The following PRMT8 variants were observed in gnomAD, a reference collection of about 807,000 sequenced individuals.
The protein encoded by PRMT8 is protein arginine methyltransferase 8.
In PRMT8, 7 loss-of-function variants were observed where a neutral mutation model predicts 47.1. The ratio of observed to expected loss-of-function variants is 0.15; its 90% CI spans 0.08 to 0.28. The LOEUF is 0.28. Ranked by LOEUF, PRMT8 falls within the 10% of genes least tolerant of loss-of-function variation. PRMT8 has a pLI of 1.00. For synonymous variants in PRMT8, 188 were observed against 186.5 expected (o/e 1.01, Z -0.07); for missense variants, 237 against 505.4 (o/e 0.47, Z 5.09).
At chr12:3,431,118 G>A (rs1864671510) in intron 1 of PRMT8, among the ~76,000 whole-genome samples, 1 of 152,184 alleles carries the variant, frequency 6.6e-6, no homozygotes, top group African/African-American at 2.4e-5. Context: ...TTTAGATTTG[G>A]TTTTGAAGGC....
At chr12:3,575,718 A>G (rs1398887841) in intron 6 of PRMT8, among the ~76,000 whole-genome samples, 1 of 152,204 alleles carries the variant, frequency 6.6e-6, no homozygotes, top group Non-Finnish European at 1.5e-5. Flanking sequence ...TGACTGATCA[A>G]TCAATGACTG....
chr12:3,463,892 G>A (rs1034105764), intron 1 of PRMT8, among the ~76,000 whole-genome samples: 1 of 152,210 alleles, frequency 6.6e-6, no homozygotes, highest in Non-Finnish European at 1.5e-5. Flanking sequence ...CTCACCTACA[G>A]CATTTGTAAG....
At chr12:3,540,506 A>G in intron 1 of PRMT8, 100 bp from the exon 2 acceptor site, 1 of 794,124 alleles carries the variant, frequency 1.3e-6, no homozygotes, top group Non-Finnish European at 2.1e-6. Flanking sequence ...TGGCTGCTTG[A>G]GGCCGGGCTC....
chr12:3,425,164 G>A (rs1864589868), intron 1 of PRMT8, among the ~76,000 whole-genome samples: 1 of 152,176 alleles, frequency 6.6e-6, no homozygotes, highest in Non-Finnish European at 1.5e-5. Flanking sequence ...AAACTTCGAT[G>A]GTTATGTGGG....
At chr12:3,403,414 A>G (rs1166883917) in intron 1 of PRMT8, among the ~76,000 whole-genome samples, 1 of 151,960 alleles carries the variant, frequency 6.6e-6, no homozygotes, top group Non-Finnish European at 1.5e-5. Context: ...CCACCAGGGC[A>G]CACGTTTAAC....
chr12:3,519,474 G>A (rs1865847865), intron 1 of PRMT8, among the ~76,000 whole-genome samples: 1 of 152,172 alleles, frequency 6.6e-6, no homozygotes, highest in African/African-American at 2.4e-5. Context: ...CCCAGGAACT[G>A]GGGGATGCAA....
intron 1 of PRMT8, among the ~76,000 whole-genome samples, chr12:3,411,102 A>C (rs1864424588): frequency 6.6e-6 from 1 of 152,146 alleles, no homozygotes; most frequent in Non-Finnish European, 1.5e-5. Flanking sequence ...TTGTAACTAG[A>C]GCATAGCTCT....
Position 3,449,419 on chromosome 12 carries a change from A to C in PRMT8, c.48+67977A>C, listed in dbSNP as rs116505366. Among the ~76,000 whole-genome samples, 1,305 of 152,172 alleles carry C rather than the reference A, an allele frequency of 8.6e-3. 21 individuals are homozygous for C. Among genetic ancestry groups the C allele is most frequent in the African/African-American group, 0.029 (1,190 of 41,512 alleles). ...ATCTGTAGTTTCTTGACTTTTTAAT[A>C]ATTTCCATTCTGACTGGCTTGAGGT... is the stretch of plus-strand genomic sequence containing the variant. On this transcript the variant is annotated intron_variant, in intron 1 of 9. Transcript: ENST00000452611.
At chr12:3,525,165 T>C (rs566136257) in intron 1 of PRMT8, among the ~76,000 whole-genome samples, 97 of 152,164 alleles carry the variant, frequency 6.4e-4, no homozygotes, top group African/African-American at 2.0e-3. Flanking sequence ...GAGATTGCAG[T>C]GAGCCAAGAC....
intron 1 of PRMT8, among the ~76,000 whole-genome samples, chr12:3,527,663 G>T (rs1865967865): frequency 6.6e-6 from 1 of 151,876 alleles, no homozygotes; most frequent in African/African-American, 2.4e-5. Flanking sequence ...ATTCTTACAA[G>T]ATTTTTAAAA....
intron 5 of PRMT8, 35 bp downstream of exon 5, chr12:3,568,883 G>A (rs1287237306): frequency 1.2e-6 from 2 of 1,612,074 alleles, no homozygotes; most frequent in South Asian, 1.1e-5. Flanking sequence ...GCGTTGGCCG[G>A]CTGGCTGTCC....
intron 1 of PRMT8, among the ~76,000 whole-genome samples, chr12:3,521,235 G>A (rs1277922136): frequency 6.6e-6 from 1 of 152,122 alleles, no homozygotes; most frequent in Non-Finnish European, 1.5e-5. Context: ...TCTGCATAAG[G>A]GAAGTCACTG....
chr12:3,554,755 A>T (rs1329662462), intron 4 of PRMT8, among the ~76,000 whole-genome samples: 9 of 152,172 alleles, frequency 5.9e-5, no homozygotes, highest in African/African-American at 2.2e-4. Flanking sequence ...GAGTTCTGGC[A>T]GGTGGGCTTT....
intron 1 of PRMT8, among the ~76,000 whole-genome samples, chr12:3,412,440 T>A (rs1207832667): frequency 6.6e-6 from 1 of 152,198 alleles, no homozygotes; most frequent in Non-Finnish European, 1.5e-5. Context: ...TTTTCTTTCT[T>A]CAACAAAAAA....
At chr12:3,491,786 C>T in intron 1 of PRMT8, 86 bp downstream of exon 1, 1 of 1,472,440 alleles carries the variant, frequency 6.8e-7, no homozygotes, top group East Asian at 2.6e-5. Context: ...GCGCCGAGTG[C>T]CAAACTTTCC....
upstream of PRMT8, among the ~76,000 whole-genome samples, chr12:3,489,821 A>G (rs1470344033): frequency 7.0e-6 from 1 of 142,042 alleles, no homozygotes; most frequent in Non-Finnish European, 1.5e-5. Flanking sequence ...ACACACACAC[A>G]CACACACACA....
intron 1 of PRMT8, among the ~76,000 whole-genome samples, chr12:3,397,543 C>A (rs1307217317): frequency 6.6e-6 from 1 of 151,112 alleles, no homozygotes; most frequent in Non-Finnish European, 1.5e-5. Context: ...GGTCAGGGAC[C>A]CACTTGAGGA....
chr12:3,584,402 C>T (rs893429770), intron 8 of PRMT8, among the ~76,000 whole-genome samples: 2 of 152,210 alleles, frequency 1.3e-5, no homozygotes, highest in Non-Finnish European at 2.9e-5. Flanking sequence ...CAGGTGGTAA[C>T]ACCACCCCTG....
intron 1 of PRMT8, among the ~76,000 whole-genome samples, chr12:3,484,114 C>T (rs1488639364): frequency 6.6e-6 from 1 of 152,176 alleles, no homozygotes; most frequent in Non-Finnish European, 1.5e-5. Flanking sequence ...AACCCCTGAA[C>T]TGATGGCAGG....
Sources: gnomAD v4.1 joint callset for allele counts (sites outside exome capture counted in the v4.1 genomes callset) on GRCh38, gnomAD v4.1.1 for gene constraint, MANE v1.5 for transcripts, NCBI Gene and HGNC (gene_info 2026-07-23, HGNC 2026-07-21) for gene names.